The following PRKN variants were observed in gnomAD, a reference collection of about 807,000 sequenced individuals.
PRKN encodes parkin RBR E3 ubiquitin protein ligase, also known as E3 ubiquitin-protein ligase parkin.
In PRKN, 56 loss-of-function variants were observed where a neutral mutation model predicts 59.5. That is an observed-to-expected ratio of 0.94 (90% CI 0.76 to 1.18). The LOEUF is 1.18. Ranked by LOEUF, PRKN falls within the 50% of genes most tolerant of loss-of-function variation. The pLI is 0.00. For missense variants in PRKN, 657 were observed against 596.4 expected, an observed-to-expected ratio of 1.10 and a Z score of -1.06; for synonymous variants, 250 against 222.1, an observed-to-expected ratio of 1.13 and a Z score of -1.12.
chr6:161,353,400 G>A lies in PRKN; in HGVS notation c.1286-3189C>T, dbSNP rs1011740939. On this transcript the variant is annotated intron_variant, in intron 11 of 11. Transcript: ENST00000366898. This position sits in a 1 kb window ranked among gnomAD's most constrained non-coding sequence, Gnocchi z 4.8. ...GGGTCTCCCCACTCCATCTTTTAGC[G>A]TGAGATCAAAGCCTTTCTGTCCCAC... Among the ~76,000 whole-genome samples, 1 of 152,128 alleles carries A rather than the reference G, an allele frequency of 6.6e-6. No individual in the cohort carries two copies. Among genetic ancestry groups the A allele is most frequent in the Non-Finnish European group, 1.5e-5 (1 of 68,030 alleles).
chr6:162,203,765 G>C (rs1457014561), intron 3 of PRKN, among the ~76,000 whole-genome samples: 2 of 152,088 alleles, frequency 1.3e-5, no homozygotes, highest in South Asian at 2.1e-4. Flanking sequence ...CCTTTCACTT[G>C]TTCTTGGACC....
chr6:161,697,143 G>A (rs1786054632), intron 7 of PRKN, among the ~76,000 whole-genome samples: 1 of 152,158 alleles, frequency 6.6e-6, no homozygotes, highest in African/African-American at 2.4e-5. Flanking sequence ...TCCCTTAGCA[G>A]CAAAGTATGA....
At chr6:162,640,448 A>T (rs956569771) in intron 1 of PRKN, among the ~76,000 whole-genome samples, 1 of 152,144 alleles carries the variant, frequency 6.6e-6, no homozygotes, top group African/African-American at 2.4e-5. Context: ...TACCACTAAA[A>T]ATGTTTCACT....
At chr6:161,433,724 T>G (rs1277625532) in intron 9 of PRKN, among the ~76,000 whole-genome samples, 2 of 152,084 alleles carry the variant, frequency 1.3e-5, no homozygotes, top group Non-Finnish European at 2.9e-5. Context: ...ATAAAATATT[T>G]GTCAGTATTA....
At chr6:162,065,382 C>A (rs1448708111) in intron 4 of PRKN, among the ~76,000 whole-genome samples, 1 of 152,084 alleles carries the variant, frequency 6.6e-6, no homozygotes, top group African/African-American at 2.4e-5. Flanking sequence ...ACTCAGCAAG[C>A]CAGTTTATCC....
In PRKN at chr6:161,352,445, T is replaced by C. The variant is rs1193695334; in HGVS notation, c.1286-2234A>G. ...CTTTCCACTTAGGTTTGTGCCATTTTCAGCACATATTGCATGGTTGTATAT... is the reference window on the plus strand; with the variant it reads ...CTTTCCACTTAGGTTTGTGCCATTTCCAGCACATATTGCATGGTTGTATAT... On this transcript the variant is annotated intron_variant, in intron 11 of 11. Coordinates refer to ENST00000366898, the MANE Select transcript of PRKN (RefSeq NM_004562.3). The surrounding 1 kb of genome is among the most constrained non-coding windows in gnomAD (Gnocchi z 5.8). 2.6e-5 allele frequency among the ~76,000 whole-genome samples: 4 copies of C among 152,120 alleles called. No individual in the cohort carries two copies. Among genetic ancestry groups the C allele is most frequent in the African/African-American group, 9.7e-5 (4 of 41,436 alleles).
At chr6:162,243,129 G>A (rs1354626728) in intron 3 of PRKN, among the ~76,000 whole-genome samples, 3 of 152,026 alleles carry the variant, frequency 2.0e-5, no homozygotes, top group Non-Finnish European at 2.9e-5. Flanking sequence ...GGCAATGACC[G>A]CAATAAATTA....
chr6:161,492,281 C>CG (rs1562484435), intron 9 of PRKN, among the ~76,000 whole-genome samples: 1 of 152,120 alleles, frequency 6.6e-6, no homozygotes, highest in African/African-American at 2.4e-5. Context: ...GGCACAGGCC[C>CG]GGGGTGGGTC....
At chr6:161,424,583 G>A (rs537057272) in intron 9 of PRKN, among the ~76,000 whole-genome samples, 2 of 152,096 alleles carry the variant, frequency 1.3e-5, no homozygotes, top group Non-Finnish European at 2.9e-5. Flanking sequence ...GCAGACACAG[G>A]AACTCAGGGC....
In PRKN at chr6:161,554,810, T is replaced by G. The variant is rs1413254165; in HGVS notation, c.934-5807A>C. Among the ~76,000 whole-genome samples the G allele has an allele frequency of 6.6e-6, 1 of 151,562 alleles. No homozygotes were observed. Among genetic ancestry groups the G allele is most frequent in the Non-Finnish European group, 1.5e-5 (1 of 67,906 alleles). ...CCTTGAGTATCTGAAATCTCTTACT[T>G]CATGTTCTTCTGGTATAAAATATTA... On this transcript the variant is annotated intron_variant, in intron 8 of 11. Coordinates refer to ENST00000366898, the MANE Select transcript of PRKN (RefSeq NM_004562.3). This position sits in a 1 kb window ranked among gnomAD's most constrained non-coding sequence, Gnocchi z 4.5.
rs531165505 is a variant in PRKN, at chr6:162,025,356, C to T, written c.618+28735G>A. Among the ~76,000 whole-genome samples, 586 of 152,126 alleles carry T rather than the reference C, an allele frequency of 3.9e-3. 4 individuals carry two copies. Among genetic ancestry groups the T allele is most frequent in the African/African-American group, 0.013 (529 of 41,516 alleles). ...AATAATTTCAGAAGATTAGTATACT[C>T]TCATTTGACCATCAAATCTGCAAAG... On this transcript the variant is annotated intron_variant, in intron 5 of 11. Transcript: ENST00000366898.
At chr6:162,488,206 T>C (rs1020204717) in intron 1 of PRKN, among the ~76,000 whole-genome samples, 1 of 152,158 alleles carries the variant, frequency 6.6e-6, no homozygotes, top group Non-Finnish European at 1.5e-5. Flanking sequence ...TAGCTGAATA[T>C]TCCCAATAAT....
At chr6:161,911,913 C>T in intron 6 of PRKN, among the ~76,000 whole-genome samples, 1 of 152,160 alleles carries the variant, frequency 6.6e-6, no homozygotes, top group Non-Finnish European at 1.5e-5. Flanking sequence ...CATGGTAGCT[C>T]ATGCCTGTAA....
chr6:162,039,977 TAAACAGGATTAAATTA>T (rs1784000676), intron 5 of PRKN, among the ~76,000 whole-genome samples: 1 of 152,252 alleles, frequency 6.6e-6, no homozygotes, highest in Admixed American at 6.5e-5. Context: ...CTGGTAAATT[TAAACAGGATTAAATTA>T]AAGCAGCATT....
chr6:162,408,682 TA>T (rs1399928905), intron 2 of PRKN, among the ~76,000 whole-genome samples: 1 of 152,150 alleles, frequency 6.6e-6, no homozygotes, highest in African/African-American at 2.4e-5. Context: ...CAAACATGCT[TA>T]GGGGTGGAAA....
intron 7 of PRKN, among the ~76,000 whole-genome samples, chr6:161,638,496 A>G (rs1362132218): frequency 6.6e-6 from 1 of 152,154 alleles, no homozygotes; most frequent in East Asian, 1.9e-4. Context: ...TCCCTGATTT[A>G]CAAATGAGAC....
intron 5 of PRKN, among the ~76,000 whole-genome samples, chr6:162,041,129 C>T (rs1784054870): frequency 6.6e-6 from 1 of 151,958 alleles, no homozygotes; most frequent in African/African-American, 2.4e-5. Context: ...GGGTTGCGAC[C>T]AGCTGAGATC....
At chr6:162,292,813 A>G (rs950927087) in intron 2 of PRKN, among the ~76,000 whole-genome samples, 4 of 152,152 alleles carry the variant, frequency 2.6e-5, no homozygotes, top group Non-Finnish European at 5.9e-5. Flanking sequence ...ATTAGGTGAA[A>G]GTAAAGCAAC....
intron 2 of PRKN, among the ~76,000 whole-genome samples, chr6:162,313,909 G>T (rs1294061676): frequency 6.6e-6 from 1 of 152,136 alleles, no homozygotes; most frequent in African/African-American, 2.4e-5. Context: ...TTTTAGCAAA[G>T]AAATCTTACT....
Sources: allele counts gnomAD v4.1 joint callset (sites outside exome capture counted in the v4.1 genomes callset), GRCh38; gene constraint gnomAD v4.1.1; non-coding constraint Gnocchi (gnomAD v3.1); transcripts MANE v1.5; gene names NCBI Gene and HGNC (gene_info 2026-07-23, HGNC 2026-07-21).